PPP1R12A: variants seen among roughly 807,000 people sequenced by gnomAD.
PPP1R12A encodes myosin binding subunit.
A neutral mutation model predicts 139.6 loss-of-function variants in PPP1R12A; 19 were observed. That is an observed-to-expected ratio of 0.14 (90% CI 0.09 to 0.20). PPP1R12A has a LOEUF of 0.20. Ranked by LOEUF, PPP1R12A falls within the 10% of genes least tolerant of loss-of-function variation. PPP1R12A has a pLI of 1.00. For synonymous variants in PPP1R12A, 427 were observed against 420.6 expected (o/e 1.02, Z -0.19); for missense variants, 925 against 1,211.5 (o/e 0.76, Z 3.51).
At chr12:79,836,507 C>G (rs1031475206) in intron 3 of PPP1R12A, among the ~76,000 whole-genome samples, 5 of 152,072 alleles carry the variant, frequency 3.3e-5, no homozygotes, top group African/African-American at 4.8e-5. Flanking sequence ...AATGACAAAG[C>G]AATTACCCTC....
At chr12:79,789,437 T>C (rs1272660011) in intron 20 of PPP1R12A, among the ~76,000 whole-genome samples, 1 of 152,108 alleles carries the variant, frequency 6.6e-6, no homozygotes, top group Admixed American at 6.6e-5. Context: ...TTTTTTTCAG[T>C]AGTAGGTAAC....
intron 1 of PPP1R12A, among the ~76,000 whole-genome samples, chr12:79,918,096 T>C (rs1887143222): frequency 6.6e-6 from 1 of 152,036 alleles, no homozygotes; most frequent in Non-Finnish European, 1.5e-5. Context: ...CTAATTCTTC[T>C]GAACTGAAAA....
At chr12:79,789,052 T>G (rs1871472684) in intron 20 of PPP1R12A, among the ~76,000 whole-genome samples, 2 of 152,264 alleles carry the variant, frequency 1.3e-5, no homozygotes, top group South Asian at 4.1e-4. Context: ...TTCTTCTACC[T>G]CAGCCTCCTG....
chr12:79,910,435 G>A (rs1051264466), intron 1 of PPP1R12A, among the ~76,000 whole-genome samples: 2 of 151,256 alleles, frequency 1.3e-5, no homozygotes, highest in African/African-American at 4.9e-5. Context: ...GAGCCGAGAC[G>A]GCGCCACTGC....
In PPP1R12A at chr12:79,828,406, G is replaced by A. The variant is rs757396453; in HGVS notation, c.706C>T (p.Leu236Phe). ...NIKDYDGWTP[L>F]HAAAHWGKEE... ...TTACCCCAATGAGCTGCAGCATGAA[G>A]AGGTGTCCAGCCATCATAGTCTTTA... Residue 236 changes from leucine (L) to phenylalanine (F), a missense_variant, in exon 5 of 25, where the codon CTT (leucine) becomes TTT (phenylalanine). Physicochemically the swap from Leu to Phe is conservative, Grantham distance 22. Around this residue, in one of 4 missense-constraint regions of PPP1R12A, gnomAD observed 199 missense variants for 352.4 expected, o/e 0.56. Transcript: ENST00000450142. The A allele has an allele frequency of 5.0e-6, 8 of 1,611,976 alleles. No individual in the cohort carries two copies. The highest frequency in any genetic ancestry group is 6.8e-6 in the Non-Finnish European group (8 of 1,178,530).
intron 21 of PPP1R12A, chr12:79,788,273 C>A (rs984043841): frequency 6.2e-6 from 1 of 161,878 alleles, no homozygotes; most frequent in Non-Finnish European, 1.4e-5. Flanking sequence ...TGAGCTGCCC[C>A]AAGTTTTTCA....
At chr12:79,888,607 C>CATCCTAGTAAAAATGGG (rs1884322974) in intron 1 of PPP1R12A, among the ~76,000 whole-genome samples, 1 of 152,106 alleles carries the variant, frequency 6.6e-6, no homozygotes, top group African/African-American at 2.4e-5. Context: ...GTAAAAATGG[C>CATCCTAGTAAAAATGGG]AGAGTGAAGC....
chr12:79,906,256 T>C (rs998838010), intron 1 of PPP1R12A, among the ~76,000 whole-genome samples: 10 of 152,030 alleles, frequency 6.6e-5, no homozygotes, highest in African/African-American at 1.9e-4. Flanking sequence ...AGCTATATGA[T>C]AAGTGGGATT....
rs78732241 is a variant in PPP1R12A, at chr12:79,890,230, A to G, written c.238-17292T>C. ...AATCTTATTTAACAACAAAATAAGCACGGTTGAAAAACTCATACAAAGTAA... is the reference window on the plus strand; with the variant it reads ...AATCTTATTTAACAACAAAATAAGCGCGGTTGAAAAACTCATACAAAGTAA... On this transcript the variant is annotated intron_variant, in intron 1 of 24. Coordinates refer to ENST00000450142, the MANE Select transcript of PPP1R12A (RefSeq NM_002480.3). 8.7e-3 allele frequency among the ~76,000 whole-genome samples: 1,324 copies of G among 152,314 alleles called. 22 individuals are homozygous for G. Among genetic ancestry groups the G allele is most frequent in the African/African-American group, 0.031 (1,273 of 41,572 alleles).
At chr12:79,822,010 C>A in intron 6 of PPP1R12A, 106 bp downstream of exon 6, 1 of 824,154 alleles carries the variant, frequency 1.2e-6, no homozygotes, top group South Asian at 1.8e-5. Context: ...TTAAGGATAA[C>A]TTAAAACCAA....
rs141486073 is a variant in PPP1R12A, at chr12:79,788,898, T to G, written c.2667-115A>C. On this transcript the variant is annotated intron_variant, in intron 20 of 24. Coordinates refer to ENST00000450142, the MANE Select transcript of PPP1R12A (RefSeq NM_002480.3). ...TCAAAAGAGTAGGTCACAGTCTCCC[T>G]CTGTTATCTGATTAATTTTTGTGAT... 8.7e-5 allele frequency: 73 copies of G among 841,714 alleles called. No homozygotes were observed. The East Asian group carries it at 1.6e-3, about 18-fold the overall frequency. 52.1% of individuals were successfully genotyped at this position (841,714 alleles called of 1,614,324 possible). A position where few individuals can be genotyped will look rare whatever the true frequency, so the allele number is the denominator to read the frequency against.
intron 1 of PPP1R12A, among the ~76,000 whole-genome samples, chr12:79,901,173 G>A (rs1026029169): frequency 6.6e-6 from 1 of 152,190 alleles, no homozygotes; most frequent in Admixed American, 6.5e-5. Flanking sequence ...TTTGGCAGAA[G>A]TAACTGTTTG....
In PPP1R12A at chr12:79,793,855, G is replaced by T; in HGVS notation, c.2649+8C>A. On this transcript the variant is annotated splice_region_variant and intron_variant, in intron 19 of 24. Transcript: ENST00000450142. ...ATACTTCTCAATACAAAAAGTAATG[G>T]TATTTACCTGAGTTTCTTTCTTATT... 1 of 1,559,676 alleles carries T rather than the reference G, an allele frequency of 6.4e-7. No homozygotes were observed. The highest frequency in any genetic ancestry group is 1.8e-5 in the Admixed American group (1 of 56,098).
rs149924367 is a variant in PPP1R12A, at chr12:79,894,387, G to A, written c.238-21449C>T. On this transcript the variant is annotated intron_variant, in intron 1 of 24. Transcript: ENST00000450142. The stretch of plus-strand genomic sequence containing the variant: ...TCTTTTCTTTCTTTTTTGGAGTGGT[G>A]CCTTGCATTTCACTAGAAATCTAAA... 1.8e-4 allele frequency among the ~76,000 whole-genome samples: 27 copies of A among 152,188 alleles called. No homozygotes were observed. The East Asian group carries it at 5.2e-3, about 29-fold the overall frequency.
At chr12:79,934,502 G>C (rs1485417938) in intron 1 of PPP1R12A, among the ~76,000 whole-genome samples, 193 bp downstream of exon 1, 19 of 152,284 alleles carry the variant, frequency 1.2e-4, no homozygotes, top group Non-Finnish European at 2.5e-4. Context: ...TGTTCTGAAG[G>C]GGGGCCTCAA....
Position 79,805,619 on chromosome 12 carries a change from G to A in PPP1R12A, c.1973C>T (p.Ser658Phe), listed in dbSNP as rs754153746. Reference sequence around the variant, plus strand: ...GCGTCTCTCCCTGACCTCTGTTGTGGAGGAGACAGTGCCAGCAGTAGTTGT... The same window carrying A: ...GCGTCTCTCCCTGACCTCTGTTGTGAAGGAGACAGTGCCAGCAGTAGTTGT... ...LTTTTAGTVSSTTEVRERRRS... is the reference protein window; with the variant it reads ...LTTTTAGTVSFTTEVRERRRS... The change falls in exon 14 of 25, where the codon TCC becomes TTC. Residue 658 changes from serine to phenylalanine, a missense_variant. Around this residue, in one of 4 missense-constraint regions of PPP1R12A, gnomAD observed 403 missense variants for 463.7 expected, o/e 0.87. Transcript: ENST00000450142. The A allele has an allele frequency of 3.7e-6, 6 of 1,613,704 alleles. No individual in the cohort carries two copies. Among genetic ancestry groups the A allele is most frequent in the Admixed American group, 1.7e-5 (1 of 59,984 alleles).
At chr12:79,877,912 T>C (rs1883268026) in intron 1 of PPP1R12A, among the ~76,000 whole-genome samples, 1 of 152,194 alleles carries the variant, frequency 6.6e-6, no homozygotes, top group Admixed American at 6.5e-5. Context: ...AGTATAAGAA[T>C]ATAAAACCCT....
chr12:79,891,668 G>A (rs936782572), intron 1 of PPP1R12A, among the ~76,000 whole-genome samples: 3 of 152,148 alleles, frequency 2.0e-5, no homozygotes, highest in African/African-American at 7.2e-5. Context: ...CAAACTTAAT[G>A]AGACAGAAGT....
chr12:79,905,335 T>TGCC (rs1414723745), intron 1 of PPP1R12A, among the ~76,000 whole-genome samples: 1 of 49,758 alleles, frequency 2.0e-5, no homozygotes, highest in Non-Finnish European at 9.0e-5. Flanking sequence ...TGTTTTGTTT[T>TGCC]GCCGCCCCCC....
Sources: gnomAD v4.1 joint callset for allele counts (sites outside exome capture counted in the v4.1 genomes callset) on GRCh38, gnomAD v4.1.1 for gene constraint, gnomAD v4.1.1 regional missense constraint, MANE v1.5 for transcripts, NCBI Gene and HGNC (gene_info 2026-07-23, HGNC 2026-07-21) for gene names.